The following GPC5 variants were observed in gnomAD, a reference collection of about 807,000 sequenced individuals.
GPC5 encodes glypican-5.
Under a neutral mutation model 53.9 loss-of-function variants are expected in GPC5, and 47 were observed. The ratio of observed to expected loss-of-function variants is 0.87; its 90% CI spans 0.69 to 1.11. The LOEUF (loss-of-function observed/expected upper bound fraction) is 1.11. GPC5 is among the 50% of genes most tolerant of loss of function. The probability of loss-of-function intolerance (pLI) is 0.00; values close to 1 mark genes in which losing one functional copy is unlikely to be tolerated. For synonymous variants in GPC5, 286 were observed against 263.3 expected (o/e 1.09, Z -0.84); for missense variants, 748 against 713.1 (o/e 1.05, Z -0.56).
At chr13:91,494,795 C>G (rs566825680) in intron 2 of GPC5, among the ~76,000 whole-genome samples, 4 of 152,016 alleles carry the variant, frequency 2.6e-5, no homozygotes, top group Admixed American at 2.6e-4. Flanking sequence ...GACTGCCCTG[C>G]CTTAGAATCT....
At chr13:92,594,231 G>T (rs969905278) in intron 7 of GPC5, among the ~76,000 whole-genome samples, 1 of 152,124 alleles carries the variant, frequency 6.6e-6, no homozygotes, top group African/African-American at 2.4e-5. Context: ...AGGGTTGATT[G>T]AAGGTATTTT....
intron 7 of GPC5, among the ~76,000 whole-genome samples, chr13:92,558,099 AAAG>A (rs1882563264): frequency 6.6e-6 from 1 of 152,024 alleles, no homozygotes; most frequent in Non-Finnish European, 1.5e-5. Flanking sequence ...TGGAAAATCA[AAAG>A]AAGATTAACA....
Position 91,931,120 on chromosome 13 carries a change from C to A in GPC5, c.1401+23063C>A, listed in dbSNP as rs574489763. ...CTTCCTTACTCCTTCATATGATTTT[C>A]TATCTTATTGTTTTCCATCATTCTT... On this transcript the variant is annotated intron_variant, in intron 6 of 7. Coordinates refer to ENST00000377067, the MANE Select transcript of GPC5 (RefSeq NM_004466.6). 5.3e-5 allele frequency among the ~76,000 whole-genome samples: 8 copies of A among 152,092 alleles called. No homozygotes were observed. The South Asian group carries it at 1.7e-3, about 32-fold the overall frequency.
At chr13:92,386,880 G>A (rs773982259) in intron 7 of GPC5, among the ~76,000 whole-genome samples, 2 of 151,966 alleles carry the variant, frequency 1.3e-5, no homozygotes, top group Non-Finnish European at 2.9e-5. Context: ...TAGAATCTCA[G>A]GTTATTAGGC....
chr13:92,703,428 CCT>C (rs749954037), intron 7 of GPC5, among the ~76,000 whole-genome samples: 2 of 151,354 alleles, frequency 1.3e-5, no homozygotes, highest in Non-Finnish European at 2.9e-5. Context: ...GAGATAAACA[CCT>C]CTCTGGAAAA....
intron 7 of GPC5, among the ~76,000 whole-genome samples, chr13:92,840,758 T>C (rs530845530): frequency 6.8e-4 from 103 of 152,280 alleles, no homozygotes; most frequent in African/African-American, 2.3e-3. Flanking sequence ...TCCATTTATT[T>C]GTGTCTTCCT....
intron 7 of GPC5, among the ~76,000 whole-genome samples, chr13:92,807,921 T>C (rs893698280): frequency 2.6e-5 from 4 of 152,104 alleles, no homozygotes; most frequent in Non-Finnish European, 5.9e-5. Flanking sequence ...GGCAATTGAT[T>C]TAAAATGTGA....
intron 2 of GPC5, among the ~76,000 whole-genome samples, chr13:91,519,512 C>G (rs1885690092): frequency 6.6e-6 from 1 of 152,146 alleles, no homozygotes; most frequent in African/African-American, 2.4e-5. Flanking sequence ...GTATATAACA[C>G]TCCCCACTTC....
intron 7 of GPC5, among the ~76,000 whole-genome samples, chr13:92,560,801 C>T (rs1346196168): frequency 1.3e-5 from 2 of 151,160 alleles, no homozygotes; most frequent in African/African-American, 4.9e-5. Flanking sequence ...AACCTTTAGA[C>T]AGGAAAAGGC....
intron 6 of GPC5, among the ~76,000 whole-genome samples, chr13:91,916,738 T>C (rs2039663201): frequency 6.6e-6 from 1 of 152,110 alleles, no homozygotes; most frequent in African/African-American, 2.4e-5. Context: ...AGCCACCTCT[T>C]CACAGAGCTG....
intron 3 of GPC5, among the ~76,000 whole-genome samples, chr13:91,704,477 C>A (rs2036056802): frequency 6.6e-6 from 1 of 152,150 alleles, no homozygotes; most frequent in Non-Finnish European, 1.5e-5. Context: ...GTCATGGGGC[C>A]CCCAGGATCA....
chr13:92,127,547 C>A (rs1426627690), intron 6 of GPC5, among the ~76,000 whole-genome samples: 1 of 152,090 alleles, frequency 6.6e-6, no homozygotes, highest in African/African-American at 2.4e-5. Context: ...ACTCAGGATT[C>A]AATCGATTAA....
chr13:92,603,597 A>G (rs1162207024), intron 7 of GPC5, among the ~76,000 whole-genome samples: 1 of 152,322 alleles, frequency 6.6e-6, no homozygotes, highest in Non-Finnish European at 1.5e-5. Flanking sequence ...CAGGAATATT[A>G]TGGGCTGGAT....
At chr13:92,771,646 A>C (rs1875620686) in intron 7 of GPC5, among the ~76,000 whole-genome samples, 1 of 152,028 alleles carries the variant, frequency 6.6e-6, no homozygotes, top group Admixed American at 6.6e-5. Flanking sequence ...CCCCGCCCTT[A>C]TCCAGTTTTT....
chr13:92,254,632 G>C (rs1409816698), intron 7 of GPC5, among the ~76,000 whole-genome samples: 1 of 152,164 alleles, frequency 6.6e-6, no homozygotes, highest in African/African-American at 2.4e-5. Flanking sequence ...ATAAAGGAAA[G>C]AGGTTTAATT....
intron 7 of GPC5, among the ~76,000 whole-genome samples, chr13:92,575,535 G>A (rs9589581): frequency 0.25 from 38,511 of 151,912 alleles, 5,099 homozygotes; most frequent in Middle Eastern, 0.3. Context: ...CCAGAACTGC[G>A]CGAGAATGCA....
chr13:91,647,070 CGTGTGTGTGTGTGTGTGTGTGTGT>C (rs66824666), intron 2 of GPC5, among the ~76,000 whole-genome samples: 7 of 144,122 alleles, frequency 4.9e-5, no homozygotes, highest in Admixed American at 2.1e-4. Context: ...TATATATATG[CGTGTGTGTGTGTGTGTGTGTGTGT>C]GTGTGTGTGT....
At chr13:91,863,740 A>T (rs2039055172) in intron 5 of GPC5, among the ~76,000 whole-genome samples, 1 of 152,180 alleles carries the variant, frequency 6.6e-6, no homozygotes, top group Admixed American at 6.5e-5. Context: ...TGAGAGGAAG[A>T]ATCATGCAGC....
intron 5 of GPC5, among the ~76,000 whole-genome samples, chr13:91,769,807 CAG>C (rs1426649145): frequency 6.6e-6 from 1 of 152,170 alleles, no homozygotes; most frequent in Admixed American, 6.5e-5. Context: ...ACACTCAACA[CAG>C]AACAATTCTG....
Sources: allele counts gnomAD v4.1 joint callset (sites outside exome capture counted in the v4.1 genomes callset), GRCh38; gene constraint gnomAD v4.1.1; transcripts MANE v1.5; gene names NCBI Gene and HGNC (gene_info 2026-07-23, HGNC 2026-07-21).